Variants in PEX7 observed in about 807,000 individuals in gnomAD.
PEX7 encodes the protein PTS2 receptor.
A neutral mutation model predicts 47.5 loss-of-function variants in PEX7; 34 were observed. The ratio of observed to expected loss-of-function variants is 0.72; its 90% CI spans 0.54 to 0.95. The LOEUF is 0.95. Among genes scored for constraint, PEX7 ranks in the 40% least tolerant of loss-of-function variants. The pLI, the probability that PEX7 is intolerant of heterozygous loss-of-function variation, is 0.00. For missense variants in PEX7, 394 were observed against 400.3 expected (o/e 0.98, Z 0.13); for synonymous variants, 141 against 148.8 (o/e 0.95, Z 0.38).
At chr6:136,910,965 T>C (rs1233914452) in intron 9 of PEX7, among the ~76,000 whole-genome samples, 1 of 152,252 alleles carries the variant, frequency 6.6e-6, no homozygotes, top group Admixed American at 6.5e-5. Flanking sequence ...ACACATCGTT[T>C]AGTTATCGCT....
chr6:136,859,170 C>T (rs962049557), intron 5 of PEX7, among the ~76,000 whole-genome samples: 1 of 152,146 alleles, frequency 6.6e-6, no homozygotes, highest in Non-Finnish European at 1.5e-5. Flanking sequence ...GCAAATCTAG[C>T]ATCAAATTAG....
chr6:136,869,772 G>A (rs1008955995), intron 6 of PEX7, 118 bp from the exon 7 acceptor site: 1 of 817,768 alleles, frequency 1.2e-6, no homozygotes, highest in Non-Finnish European at 2.2e-6. Flanking sequence ...TCTCAAAAAT[G>A]ACTCCTTGGT....
intron 3 of PEX7, among the ~76,000 whole-genome samples, chr6:136,837,819 C>CACACAA (rs1363683649): frequency 1.4e-5 from 2 of 146,596 alleles, no homozygotes; most frequent in Non-Finnish European, 3.0e-5. Flanking sequence ...ACGCCACACA[C>CACACAA]ACACACACAC....
chr6:136,904,258 G>GT (rs2115284960), intron 9 of PEX7, among the ~76,000 whole-genome samples: 1 of 152,274 alleles, frequency 6.6e-6, no homozygotes, highest in African/African-American at 2.4e-5. Flanking sequence ...AGTCTCTGCT[G>GT]TTTCCTCATT....
chr6:136,850,194 T>C (rs1774714594), intron 5 of PEX7, among the ~76,000 whole-genome samples: 1 of 152,164 alleles, frequency 6.6e-6, no homozygotes, highest in Non-Finnish European at 1.5e-5. Context: ...CTTTTTTTTT[T>C]GTTTTCCATT....
At chr6:136,850,465 A>G (rs1774722827) in intron 5 of PEX7, among the ~76,000 whole-genome samples, 1 of 152,200 alleles carries the variant, frequency 6.6e-6, no homozygotes. Flanking sequence ...GATGGGCTTT[A>G]CAATTTGGCA....
At chr6:136,830,177 C>A in intron 3 of PEX7, 1 of 616,778 alleles carries the variant, frequency 1.6e-6, no homozygotes, top group South Asian at 1.9e-5. Flanking sequence ...ACATATTTTT[C>A]CTAAACTTGA....
At position 136,846,337 on chromosome 6, in the gene PEX7, T is replaced by C. The variant is rs934236950; in HGVS notation, c.526+156T>C. 5.3e-5 allele frequency among the ~76,000 whole-genome samples: 8 copies of C among 152,306 alleles called. No individual in the cohort carries two copies. In the East Asian group the frequency reaches 1.5e-3, roughly 29 times the overall value. ...AAGACTTTACTTCTTTTTTTATTTTTATTTTTTTATTTTTATTATTATACT... is the reference window on the plus strand; with the variant it reads ...AAGACTTTACTTCTTTTTTTATTTTCATTTTTTTATTTTTATTATTATACT... On this transcript the variant is annotated intron_variant, in intron 5 of 9. Coordinates refer to ENST00000318471, the MANE Select transcript of PEX7 (RefSeq NM_000288.4).
In PEX7 at chr6:136,822,630, C is replaced by G; in HGVS notation, c.-36C>G. On this transcript the variant is annotated 5_prime_UTR_variant, in exon 1 of 10. Coordinates refer to ENST00000318471, the MANE Select transcript of PEX7 (RefSeq NM_000288.4). ...TGCCTCCGACTCGGAACGGCTTCCG[C>G]GGCCGGGGCAGCGAGGGCCGGGGGC... 6.6e-7 allele frequency: 1 copy of G among 1,516,574 alleles called. No homozygotes were observed. The highest frequency in any genetic ancestry group is 1.4e-5 in the African/African-American group (1 of 71,814). The allele number at this position is 1,516,574 out of a possible 1,614,324, so 93.9% of individuals were successfully genotyped here. A position where few individuals can be genotyped will look rare whatever the true frequency, so the allele number is the denominator to read the frequency against.
chr6:136,858,173 A>G (rs1239921436), intron 5 of PEX7, among the ~76,000 whole-genome samples: 1 of 152,164 alleles, frequency 6.6e-6, no homozygotes, highest in African/African-American at 2.4e-5. Context: ...GAAATGTATA[A>G]ATGGATTCCT....
At chr6:136,830,533 A>G (rs777467942) in intron 3 of PEX7, among the ~76,000 whole-genome samples, 13 of 152,200 alleles carry the variant, frequency 8.5e-5, no homozygotes, top group South Asian at 2.1e-4. Context: ...TCTTCTGTCT[A>G]TTGTTTAACT....
intron 5 of PEX7, among the ~76,000 whole-genome samples, chr6:136,864,844 G>A (rs1775029423): frequency 6.6e-6 from 1 of 152,170 alleles, no homozygotes; most frequent in Non-Finnish European, 1.5e-5. Flanking sequence ...ATCAGTCTCA[G>A]AGATATTACG....
At position 136,861,629 on chromosome 6, in the gene PEX7, C is replaced by T. The variant is rs538008131; in HGVS notation, c.527-4998C>T. Among the ~76,000 whole-genome samples, 39 of 151,814 alleles carry T rather than the reference C, an allele frequency of 2.6e-4. 1 individual carries two copies. In the South Asian group the frequency reaches 7.5e-3, roughly 29 times the overall value. On this transcript the variant is annotated intron_variant, in intron 5 of 9. Coordinates refer to ENST00000318471, the MANE Select transcript of PEX7 (RefSeq NM_000288.4). ...ACTGACGCTTTAGGAGAATACCCTT[C>T]GCTCCCTTATGATAAAGAGTGATTT...
chr6:136,834,905 G>A (rs1425791233), intron 3 of PEX7, among the ~76,000 whole-genome samples: 1 of 152,092 alleles, frequency 6.6e-6, no homozygotes, highest in Non-Finnish European at 1.5e-5. Context: ...CATAAAAAAG[G>A]TGTGCAAAGG....
intron 5 of PEX7, among the ~76,000 whole-genome samples, chr6:136,856,453 G>GT (rs1158696611): frequency 6.6e-6 from 1 of 152,150 alleles, no homozygotes; most frequent in Admixed American, 6.5e-5. Context: ...CAGAATCAGG[G>GT]TATCAGGCAC....
rs144821629 is a variant in PEX7, at chr6:136,905,523, C to T, written c.903+7282C>T. ...AGGTCACCAGTAAACTCCTGAAACC[C>T]GAATTAGCCTTTTTTCAGACTTTTT... On this transcript the variant is annotated intron_variant, in intron 9 of 9. Transcript: ENST00000318471. 2.0e-3 allele frequency among the ~76,000 whole-genome samples: 309 copies of T among 152,208 alleles called. 3 individuals are homozygous for T. Among genetic ancestry groups the T allele is most frequent in the African/African-American group, 6.7e-3 (278 of 41,530 alleles).
intron 8 of PEX7, among the ~76,000 whole-genome samples, chr6:136,873,097 C>G (rs948672804): frequency 1.3e-5 from 2 of 152,068 alleles, no homozygotes; most frequent in South Asian, 2.1e-4. Flanking sequence ...TCCTCCCATC[C>G]TTGTTGATTT....
intron 2 of PEX7, among the ~76,000 whole-genome samples, 158 bp downstream of exon 2, chr6:136,825,429 G>A (rs551932480): frequency 3.3e-5 from 5 of 152,094 alleles, no homozygotes; most frequent in Admixed American, 6.5e-5. Context: ...GTGGTGGTGC[G>A]CACCTGTAGT....
chr6:136,825,326 G>GC, intron 2 of PEX7, 55 bp downstream of exon 2: 1 of 1,394,932 alleles, frequency 7.2e-7, no homozygotes, highest in Non-Finnish European at 1.0e-6. Context: ...AGCCTTAATA[G>GC]AATTAGGTTT....
Sources: gnomAD v4.1 joint callset for allele counts (sites outside exome capture counted in the v4.1 genomes callset) on GRCh38, gnomAD v4.1.1 for gene constraint, MANE v1.5 for transcripts, NCBI Gene and HGNC (gene_info 2026-07-23, HGNC 2026-07-21) for gene names.